KLHL13: variants seen among roughly 807,000 people sequenced by gnomAD.
KLHL13 encodes the protein kelch like family member 13, also known as kelch-like protein 13.
KLHL13 carries 10 observed loss-of-function variants against 37.1 expected under a neutral mutation model. The ratio of observed to expected loss-of-function variants is 0.27; its 90% CI spans 0.17 to 0.46. The LOEUF (loss-of-function observed/expected upper bound fraction) is 0.46. KLHL13 is among the 20% of genes least tolerant of loss of function. KLHL13 has a pLI of 1.00. For missense variants in KLHL13, 360 were observed against 509.3 expected (o/e 0.71, Z 2.82); for synonymous variants, 163 against 181.2 (o/e 0.90, Z 0.81).
chrX:118,055,555 T>G (rs1167766685), intron 1 of KLHL13, among the ~76,000 whole-genome samples: 1 of 111,649 alleles, frequency 9.0e-6, no homozygotes, highest in African/African-American at 3.3e-5. Flanking sequence ...GGGCCAAAAC[T>G]GATGTAAAGT....
intron 1 of KLHL13, among the ~76,000 whole-genome samples, chrX:117,963,592 A>C (rs2053345886): frequency 9.6e-6 from 1 of 103,974 alleles, no homozygotes; most frequent in South Asian, 4.7e-4. Context: ...CAGTAATGGG[A>C]TGGCTGGGTC....
intron 1 of KLHL13, among the ~76,000 whole-genome samples, chrX:118,083,997 T>C (rs1457435006): frequency 3.6e-5 from 4 of 111,064 alleles, no homozygotes; most frequent in African/African-American, 1.3e-4. Context: ...ATAAATGAAA[T>C]AGAAAACTAA....
At chrX:118,092,001 C>T (rs767464395) in intron 1 of KLHL13, among the ~76,000 whole-genome samples, 2 of 111,731 alleles carry the variant, frequency 1.8e-5, no homozygotes, top group Non-Finnish European at 3.8e-5. Context: ...TATGCGGGAG[C>T]TAAGCTATGA....
intron 1 of KLHL13, among the ~76,000 whole-genome samples, chrX:118,031,591 T>TTA (rs1335407991): frequency 5.1e-5 from 5 of 98,369 alleles, no homozygotes; most frequent in Admixed American, 1.2e-4. Context: ...ATATATTTAG[T>TTA]TATATATATA....
intron 4 of KLHL13, among the ~76,000 whole-genome samples, chrX:117,912,905 C>T (rs1265747055): frequency 8.1e-5 from 9 of 111,089 alleles, no homozygotes; most frequent in African/African-American, 2.6e-4. Context: ...AGTAAAGATA[C>T]GATGATAGAT....
intron 1 of KLHL13, among the ~76,000 whole-genome samples, chrX:118,086,573 T>A (rs2055056984): frequency 8.9e-6 from 1 of 112,105 alleles, no homozygotes; most frequent in African/African-American, 3.2e-5. Context: ...GGTATTTATG[T>A]CCTGATATAG....
chrX:118,009,323 C>A (rs552674913), intron 1 of KLHL13, among the ~76,000 whole-genome samples: 4,652 of 65,541 alleles, frequency 0.071, 168 homozygotes, highest in Middle Eastern at 0.11. Flanking sequence ...GAAGTCCTTG[C>A]CCATGCCTAT....
At chrX:118,090,720 C>T (rs1602715509) in intron 1 of KLHL13, among the ~76,000 whole-genome samples, 1 of 107,418 alleles carries the variant, frequency 9.3e-6, no homozygotes, top group Non-Finnish European at 1.9e-5. Context: ...GTCAGTGTGG[C>T]GATTCCTCAG....
chrX:117,937,946 A>C (rs12008252), intron 2 of KLHL13, among the ~76,000 whole-genome samples: 11,540 of 111,684 alleles, frequency 0.1, 604 homozygotes, highest in African/African-American at 0.2. Context: ...CTTTACGTCT[A>C]TATAGATTTC....
rs149466592 is a variant in KLHL13, at chrX:118,038,194, G to A, written c.-56+78314C>T. On this transcript the variant is annotated intron_variant, in intron 1 of 6. Coordinates refer to the KLHL13 transcript ENST00000371882. ...GAATATTTAGCCAATTAAGTAACAAGTGAAGTGATGAGATTGGGAAATGTT... is the reference window on the plus strand; with the variant it reads ...GAATATTTAGCCAATTAAGTAACAAATGAAGTGATGAGATTGGGAAATGTT... Among the ~76,000 whole-genome samples the A allele has an allele frequency of 3.6e-3, 406 of 111,971 alleles. 2 individuals carry two copies. The highest frequency in any genetic ancestry group is 0.012 in the African/African-American group (375 of 30,849).
intron 1 of KLHL13, among the ~76,000 whole-genome samples, chrX:117,954,131 C>T (rs1933783529): frequency 1.8e-5 from 2 of 111,465 alleles, no homozygotes; most frequent in South Asian, 3.7e-4. Context: ...AGTTAATTAC[C>T]CAAATCAAAA....
intron 5 of KLHL13, among the ~76,000 whole-genome samples, chrX:117,905,502 C>T (rs753199125): frequency 3.9e-4 from 39 of 99,274 alleles, no homozygotes; most frequent in African/African-American, 1.7e-3. Flanking sequence ...TGTGCTAGTG[C>T]GTGCACACAC....
At position 118,074,675 on chromosome X, in the gene KLHL13, T is replaced by C. The variant is rs184167439; in HGVS notation, c.-56+41833A>G. Among the ~76,000 whole-genome samples the C allele has an allele frequency of 4.8e-3, 543 of 112,070 alleles. 1 individual carries two copies. Among genetic ancestry groups the C allele is most frequent in the Non-Finnish European group, 8.1e-3 (431 of 53,196 alleles). Reference sequence around the variant, plus strand: ...AAAATCTCTGTGCCCATAATTATTATCTACATTTGAAAACTGGACCTCCAG... The same window carrying C: ...AAAATCTCTGTGCCCATAATTATTACCTACATTTGAAAACTGGACCTCCAG... On this transcript the variant is annotated intron_variant, in intron 1 of 6. Coordinates refer to the KLHL13 transcript ENST00000371882.
At chrX:118,003,236 G>A (rs1352419627) in intron 1 of KLHL13, among the ~76,000 whole-genome samples, 1 of 112,166 alleles carries the variant, frequency 8.9e-6, no homozygotes, top group Admixed American at 9.5e-5. Context: ...CTTCACTCTG[G>A]CCAGGCGTAG....
intron 1 of KLHL13, among the ~76,000 whole-genome samples, chrX:118,038,872 C>A (rs1035526127): frequency 2.7e-5 from 3 of 111,337 alleles, no homozygotes; most frequent in African/African-American, 9.8e-5. Flanking sequence ...CAGGCAGCAC[C>A]GTTCACAGCT....
At chrX:118,097,058 A>G (rs1001769223) in intron 1 of KLHL13, among the ~76,000 whole-genome samples, 76 of 111,291 alleles carry the variant, frequency 6.8e-4, no homozygotes, top group Non-Finnish European at 1.1e-3. Flanking sequence ...TATTCAACAT[A>G]GTTTTGGAAG....
intron 1 of KLHL13, chrX:117,947,378 T>A (rs1435342918): frequency 8.9e-6 from 1 of 112,181 alleles, no homozygotes; most frequent in Non-Finnish European, 1.9e-5. Context: ...TTTCTGTAGA[T>A]CATTCCAAAG....
intron 2 of KLHL13, among the ~76,000 whole-genome samples, chrX:117,930,342 C>CAGGA (rs1359311111): frequency 8.5e-5 from 9 of 106,319 alleles, no homozygotes; most frequent in South Asian, 4.3e-4. Context: ...GGCAGGAAGG[C>CAGGA]AGGCAGGCAG....
At chrX:118,061,188 T>C (rs2054737486) in intron 1 of KLHL13, among the ~76,000 whole-genome samples, 1 of 111,862 alleles carries the variant, frequency 8.9e-6, no homozygotes, top group African/African-American at 3.2e-5. Flanking sequence ...GGTTGTTTTT[T>C]AAGAAATGCA....
Sources: gnomAD v4.1 joint callset for allele counts (sites outside exome capture counted in the v4.1 genomes callset) on GRCh38, gnomAD v4.1.1 for gene constraint, MANE v1.5 for transcripts, NCBI Gene and HGNC (gene_info 2026-07-23, HGNC 2026-07-21) for gene names.